Variants in CDH8 observed in about 807,000 individuals in gnomAD.
CDH8 encodes the protein cadherin 8.
CDH8 carries 17 observed loss-of-function variants against 68.1 expected under a neutral mutation model. The ratio of observed to expected loss-of-function variants is 0.25; its 90% CI spans 0.17 to 0.37. CDH8 has a LOEUF of 0.37. CDH8 is among the 10% of genes least tolerant of loss of function. The pLI, the probability that CDH8 is intolerant of heterozygous loss-of-function variation, is 1.00. For synonymous variants in CDH8, 372 were observed against 365.1 expected, an observed-to-expected ratio of 1.02 and a Z score of -0.21; for missense variants, 763 against 999.3, an observed-to-expected ratio of 0.76 and a Z score of 3.19.
intron 10 of CDH8, among the ~76,000 whole-genome samples, chr16:61,707,570 C>T (rs932755303): frequency 3.3e-5 from 5 of 152,070 alleles, no homozygotes; most frequent in Non-Finnish European, 7.4e-5. Flanking sequence ...TTCCTGCCTT[C>T]TCTATCTACT....
At chr16:61,939,252 C>T (rs1248206800) in intron 2 of CDH8, among the ~76,000 whole-genome samples, 7 of 152,156 alleles carry the variant, frequency 4.6e-5, no homozygotes, top group Non-Finnish European at 2.9e-5. Flanking sequence ...AATTAAGTTT[C>T]ACATTTCAAT....
At chr16:61,850,761 A>G (rs1962922339) in intron 4 of CDH8, among the ~76,000 whole-genome samples, 1 of 151,978 alleles carries the variant, frequency 6.6e-6, no homozygotes, top group South Asian at 2.1e-4. Context: ...TTAGTTTTTC[A>G]GGACATATTC....
chr16:61,681,002 T>C (rs768432145), intron 10 of CDH8, among the ~76,000 whole-genome samples: 3 of 151,876 alleles, frequency 2.0e-5, no homozygotes, highest in Non-Finnish European at 4.4e-5. Flanking sequence ...GTTTTTTATA[T>C]ATATTTAAAA....
rs146339844 is a variant in CDH8, at chr16:61,827,463, A to G, written c.668-2284T>C. Among the ~76,000 whole-genome samples the G allele has an allele frequency of 2.6e-5, 4 of 152,078 alleles. No individual in the cohort carries two copies. The East Asian group carries it at 7.8e-4, about 30-fold the overall frequency. ...GAACTCCTGCAACTTCTCTGAGTCA[A>G]AAAAGATTGGTATGTATTATTCTCA... On this transcript the variant is annotated intron_variant, in intron 4 of 11. Transcript: ENST00000577390.
At chr16:61,806,974 A>G (rs1368351005) in intron 7 of CDH8, among the ~76,000 whole-genome samples, 1 of 74,850 alleles carries the variant, frequency 1.3e-5, no homozygotes, top group Non-Finnish European at 2.5e-5. Flanking sequence ...ATTACTGGGT[A>G]TATACCCAAA....
intron 10 of CDH8, among the ~76,000 whole-genome samples, chr16:61,702,822 G>A (rs1019790389): frequency 6.6e-6 from 1 of 152,330 alleles, no homozygotes; most frequent in Non-Finnish European, 1.5e-5. Flanking sequence ...TTAGCAGCTT[G>A]GTAGCCGTGT....
At chr16:61,698,378 G>C (rs1273377163) in intron 10 of CDH8, among the ~76,000 whole-genome samples, 1 of 152,118 alleles carries the variant, frequency 6.6e-6, no homozygotes, top group Non-Finnish European at 1.5e-5. Flanking sequence ...TTGTATGCTT[G>C]TCTCTGTCCC....
intron 8 of CDH8, among the ~76,000 whole-genome samples, chr16:61,757,221 A>G (rs149820088): frequency 6.6e-6 from 1 of 152,262 alleles, no homozygotes; most frequent in Admixed American, 6.5e-5. Flanking sequence ...CAAGCCTTAA[A>G]CCAAGGACTA....
rs566705044 is a variant in CDH8, at chr16:61,860,304, A to T, written c.548-3066T>A. 3.9e-5 allele frequency among the ~76,000 whole-genome samples: 6 copies of T among 152,228 alleles called. No homozygotes were observed. In the South Asian group the frequency reaches 1.0e-3, roughly 26 times the overall value. ...CAGCCTCCAGAACTGTGCGAAAATA[A>T]TTTTTTCTTTATTAATTAACCCGTT... On this transcript the variant is annotated intron_variant, in intron 3 of 11. Transcript: ENST00000577390.
intron 10 of CDH8, chr16:61,667,681 A>C (rs892490626): frequency 6.6e-6 from 1 of 152,028 alleles, no homozygotes; most frequent in Non-Finnish European, 1.5e-5. Flanking sequence ...TAAGAGAATA[A>C]GCATCTGTTG....
chr16:61,883,416 C>T (rs1395601922), intron 3 of CDH8, among the ~76,000 whole-genome samples: 4 of 151,852 alleles, frequency 2.6e-5, no homozygotes, highest in African/African-American at 9.7e-5. Context: ...ATATAGCAAA[C>T]AACAAGCAGG....
chr16:61,952,430 T>A (rs1001260026), intron 2 of CDH8, among the ~76,000 whole-genome samples: 2 of 152,152 alleles, frequency 1.3e-5, no homozygotes, highest in Non-Finnish European at 2.9e-5. Context: ...TAAGAATGAA[T>A]AAAGAGGTTT....
At chr16:61,755,783 C>CGAGA (rs1960297678) in intron 8 of CDH8, among the ~76,000 whole-genome samples, 3 of 151,452 alleles carry the variant, frequency 2.0e-5, no homozygotes, top group Non-Finnish European at 4.4e-5. Flanking sequence ...TTCTCCTTCT[C>CGAGA]CTTCTCCGCC....
intron 8 of CDH8, among the ~76,000 whole-genome samples, chr16:61,733,591 A>C (rs182196244): frequency 1.5e-4 from 23 of 152,166 alleles, no homozygotes; most frequent in African/African-American, 5.5e-4. Flanking sequence ...CATATATCTA[A>C]AGTCATATAA....
intron 4 of CDH8, among the ~76,000 whole-genome samples, chr16:61,839,449 T>C (rs1222614153): frequency 1.3e-5 from 2 of 152,226 alleles, no homozygotes; most frequent in Non-Finnish European, 2.9e-5. Flanking sequence ...AATGATCTGG[T>C]ATTATGAAGA....
intron 2 of CDH8, among the ~76,000 whole-genome samples, chr16:61,919,054 T>G (rs200465826): frequency 4.8e-5 from 7 of 145,106 alleles, no homozygotes; most frequent in East Asian, 2.3e-4. Flanking sequence ...AGCAGGGGCA[T>G]ACTGACACCT....
intron 2 of CDH8, among the ~76,000 whole-genome samples, chr16:61,958,697 T>C (rs925681205): frequency 5.3e-5 from 8 of 152,192 alleles, no homozygotes; most frequent in Non-Finnish European, 1.2e-4. Context: ...ATAATGCATA[T>C]GAAACTATTT....
chr16:61,703,949 C>T (rs903420322), intron 10 of CDH8, among the ~76,000 whole-genome samples: 6 of 152,216 alleles, frequency 3.9e-5, no homozygotes, highest in Non-Finnish European at 8.8e-5. Context: ...GTAAAAGCCT[C>T]AAATAAACAC....
At chr16:61,797,090 T>C (rs1236506871) in intron 7 of CDH8, among the ~76,000 whole-genome samples, 1 of 151,458 alleles carries the variant, frequency 6.6e-6, no homozygotes, top group African/African-American at 2.4e-5. Context: ...CACCTCTTTC[T>C]GTGTGTGTGT....
Sources: allele counts gnomAD v4.1 joint callset (sites outside exome capture counted in the v4.1 genomes callset), GRCh38; gene constraint gnomAD v4.1.1; transcripts MANE v1.5; gene names NCBI Gene and HGNC (gene_info 2026-07-23, HGNC 2026-07-21).